Variants in BCAS1 observed in about 807,000 individuals in gnomAD.
The protein encoded by BCAS1 is brain enriched myelin associated protein 1, also known as breast carcinoma-amplified sequence 1.
Under a neutral mutation model 65.4 loss-of-function variants are expected in BCAS1, and 46 were observed. The ratio of observed to expected loss-of-function variants is 0.70; its 90% CI spans 0.55 to 0.90. The LOEUF (loss-of-function observed/expected upper bound fraction) is 0.90. BCAS1 is among the 40% of genes least tolerant of loss of function. The pLI, the probability that BCAS1 is intolerant of heterozygous loss-of-function variation, is 0.00. For missense variants in BCAS1, 793 were observed against 771.2 expected (o/e 1.03, Z -0.33); for synonymous variants, 298 against 293.5 (o/e 1.02, Z -0.16).
At chr20:53,969,411 C>T (rs192060191) in intron 9 of BCAS1, among the ~76,000 whole-genome samples, 33 of 151,930 alleles carry the variant, frequency 2.2e-4, no homozygotes, top group Admixed American at 9.2e-4. Flanking sequence ...GGTATTGTAC[C>T]GGGTGTTTAA....
At chr20:54,020,695 G>A (rs1422211360) in intron 4 of BCAS1, among the ~76,000 whole-genome samples, 2 of 152,182 alleles carry the variant, frequency 1.3e-5, no homozygotes, top group Non-Finnish European at 2.9e-5. Flanking sequence ...TAAGATAACT[G>A]TCTCAATGTG....
At chr20:53,993,011 A>T (rs2090803802) in intron 6 of BCAS1, among the ~76,000 whole-genome samples, 1 of 152,220 alleles carries the variant, frequency 6.6e-6, no homozygotes, top group Admixed American at 6.5e-5. Flanking sequence ...ATGGTAAAGT[A>T]AAAAATACCT....
At chr20:54,051,237 C>G (rs2092207165) in intron 3 of BCAS1, among the ~76,000 whole-genome samples, 1 of 152,166 alleles carries the variant, frequency 6.6e-6, no homozygotes, top group Non-Finnish European at 1.5e-5. Context: ...TTCTAACTGC[C>G]TGATCTCTGA....
chr20:53,973,563 A>G (rs2090239942), intron 9 of BCAS1, among the ~76,000 whole-genome samples: 1 of 152,228 alleles, frequency 6.6e-6, no homozygotes, highest in Non-Finnish European at 1.5e-5. Flanking sequence ...AAGCAACTAC[A>G]CACAAACATC....
At chr20:53,999,439 G>T (rs369201394) in intron 4 of BCAS1, among the ~76,000 whole-genome samples, 1 of 152,206 alleles carries the variant, frequency 6.6e-6, no homozygotes, top group Non-Finnish European at 1.5e-5. Flanking sequence ...GTTGGCAAGC[G>T]TAAGCATTAA....
chr20:54,037,991 T>G (rs1357737860), intron 3 of BCAS1, among the ~76,000 whole-genome samples: 1 of 151,346 alleles, frequency 6.6e-6, no homozygotes, highest in Non-Finnish European at 1.5e-5. Context: ...AAATAAAAAT[T>G]AGGTTATGTC....
At chr20:53,978,001 C>T (rs2090378582) in intron 8 of BCAS1, among the ~76,000 whole-genome samples, 1 of 151,462 alleles carries the variant, frequency 6.6e-6, no homozygotes, top group Admixed American at 6.6e-5. Flanking sequence ...AACTCGTCAT[C>T]TAGCATTAGG....
At chr20:54,058,050 G>A in intron 3 of BCAS1, 35 bp downstream of exon 3, 2 of 1,520,434 alleles carry the variant, frequency 1.3e-6, no homozygotes, top group Non-Finnish European at 1.8e-6. Context: ...CCTTCCCCAC[G>A]AGAGGGTAGA....
At chr20:54,008,726 C>T (rs2091256523) in intron 4 of BCAS1, among the ~76,000 whole-genome samples, 1 of 152,082 alleles carries the variant, frequency 6.6e-6, no homozygotes. Flanking sequence ...ACTAAGAAGG[C>T]CTCAAACATA....
chr20:53,977,911 T>C (rs1039152661), intron 8 of BCAS1, among the ~76,000 whole-genome samples: 9 of 152,116 alleles, frequency 5.9e-5, no homozygotes, highest in Non-Finnish European at 1.3e-4. Context: ...TATTATACTT[T>C]AAGTTTTAGG....
At position 54,028,584 on chromosome 20, in the gene BCAS1, T is replaced by G. The variant is rs751517449; in HGVS notation, c.531A>C (p.Thr177=). The change falls in exon 4 of 13, where the codon ACA becomes ACC. Residue 177 remains threonine (T), a synonymous_variant. Transcript: ENST00000688948. ...AGGGAGCTTCTCCTCCTGCTCCCCC[T>G]GTCTCAGGTGGGAGAAGCGTGGGAT... ...ARDPTLLPPE[T]GGAGGEAPSK... The G allele has an allele frequency of 8.7e-6, 14 of 1,613,526 alleles. No homozygotes were observed. In the East Asian group the frequency reaches 3.1e-4, roughly 36 times the overall value.
rs190114628 is a variant in BCAS1 at position 53,946,667 on chromosome 20, A to C, written c.1816-1671T>G. ...ATTTTATAGTATATATAGTATACAT[A>C]TATAGTATAGTCAAGTATGGTAACT... On this transcript the variant is annotated intron_variant, in intron 12 of 12. Transcript: ENST00000688948. Among the ~76,000 whole-genome samples, 4 of 151,106 alleles carry C rather than the reference A, an allele frequency of 2.6e-5. No homozygotes were observed. In the East Asian group the frequency reaches 7.8e-4, roughly 29 times the overall value.
At chr20:53,952,722 C>T (rs2089566120) in intron 12 of BCAS1, among the ~76,000 whole-genome samples, 1 of 152,214 alleles carries the variant, frequency 6.6e-6, no homozygotes, top group Non-Finnish European at 1.5e-5. Context: ...CCAAATAAGG[C>T]AGACAACTCA....
At position 53,957,371 on chromosome 20, in the gene BCAS1, C is replaced by T; in HGVS notation, c.1551+61G>A. 4 of 1,438,240 alleles carry T rather than the reference C, an allele frequency of 2.8e-6. No homozygotes were observed. In the South Asian group the frequency reaches 3.4e-5, roughly 12 times the overall value. 89.1% of individuals were successfully genotyped at this position (1,438,240 alleles called of 1,614,324 possible). On this transcript the variant is annotated intron_variant, in intron 11 of 12. Coordinates refer to ENST00000688948, the MANE Select transcript of BCAS1 (RefSeq NM_001366298.2). ...GCTGAGAATTTTATTGAAAAGTATA[C>T]TGTGAAGAAGTGAGAATACACCACT...
rs185627717 is a variant in BCAS1, at chr20:53,943,944, A to C, written c.*978T>G. The C allele has an allele frequency of 6.6e-6, 1 of 150,548 alleles. No homozygotes were observed. The highest frequency in any genetic ancestry group is 2.0e-4 in the East Asian group (1 of 5,086). The allele number at this position is 150,548 out of a possible 1,614,324, so 9.3% of individuals were successfully genotyped here. On this transcript the variant is annotated 3_prime_UTR_variant, in exon 13 of 13. Transcript: ENST00000688948. ...CCCTTGTGTTGCAAAATAACCGTGC[A>C]ACTTCCTTTATTTTTTATTTATTTT...
chr20:53,962,107 T>C (rs1372566628), intron 10 of BCAS1, among the ~76,000 whole-genome samples: 1 of 152,208 alleles, frequency 6.6e-6, no homozygotes, highest in African/African-American at 2.4e-5. Context: ...TCAGAAATCT[T>C]TCCTTAAAGA....
intron 8 of BCAS1, among the ~76,000 whole-genome samples, chr20:53,981,290 G>T (rs547406954): frequency 1.1e-4 from 16 of 152,306 alleles, no homozygotes; most frequent in African/African-American, 3.8e-4. Context: ...TAATTGCCCA[G>T]ACATATGCCC....
chr20:54,012,188 GAA>G (rs975245380), intron 4 of BCAS1, among the ~76,000 whole-genome samples: 2 of 152,160 alleles, frequency 1.3e-5, no homozygotes, highest in Non-Finnish European at 2.9e-5. Context: ...TAGCATTCTT[GAA>G]ATAATAAAGC....
At chr20:53,964,091 A>C (rs1357665589) in intron 10 of BCAS1, among the ~76,000 whole-genome samples, 1 of 152,270 alleles carries the variant, frequency 6.6e-6, no homozygotes, top group African/African-American at 2.4e-5. Context: ...TTGTTGAAAA[A>C]GTGAATGCAT....
Sources: gnomAD v4.1 joint callset for allele counts (sites outside exome capture counted in the v4.1 genomes callset) on GRCh38, gnomAD v4.1.1 for gene constraint, MANE v1.5 for transcripts, NCBI Gene and HGNC (gene_info 2026-07-23, HGNC 2026-07-21) for gene names.